The following RIN2 variants were observed in gnomAD, a reference collection of about 807,000 sequenced individuals.
The protein encoded by RIN2 is RAB5 interacting protein 2.
RIN2 carries 36 observed loss-of-function variants against 78.0 expected under a neutral mutation model. That is an observed-to-expected ratio of 0.46 (90% CI 0.35 to 0.61). RIN2 has a LOEUF of 0.61. Ranked by LOEUF, RIN2 falls within the 20% of genes least tolerant of loss-of-function variation. The pLI, the probability that RIN2 is intolerant of heterozygous loss-of-function variation, is 0.00. For synonymous variants in RIN2, 466 were observed against 466.8 expected (o/e 1.00, Z 0.02); for missense variants, 1,087 against 1,159.7 (o/e 0.94, Z 0.91).
chr20:19,771,026 A>G (rs1568736890), intron 1 of RIN2, among the ~76,000 whole-genome samples: 1 of 152,194 alleles, frequency 6.6e-6, no homozygotes, highest in Non-Finnish European at 1.5e-5. Flanking sequence ...ACAAATATTT[A>G]TTGGATTATT....
At chr20:19,950,693 T>G (rs538084933) in intron 4 of RIN2, among the ~76,000 whole-genome samples, 2 of 152,214 alleles carry the variant, frequency 1.3e-5, no homozygotes, top group Admixed American at 1.3e-4. Flanking sequence ...ATTATCACAC[T>G]TAAGGAAATT....
chr20:19,855,530 A>T (rs1358965881), intron 2 of RIN2, among the ~76,000 whole-genome samples: 1 of 152,156 alleles, frequency 6.6e-6, no homozygotes, highest in Non-Finnish European at 1.5e-5. Flanking sequence ...TCTGGTTGGT[A>T]CATTTGCCAT....
intron 2 of RIN2, among the ~76,000 whole-genome samples, chr20:19,875,463 C>G (rs561423701): frequency 1.2e-4 from 19 of 152,266 alleles, no homozygotes; most frequent in Admixed American, 2.0e-4. Context: ...CTGCGCCCAG[C>G]CTAAATTTTT....
At chr20:19,947,554 T>C (rs2041145098) in intron 4 of RIN2, among the ~76,000 whole-genome samples, 1 of 152,250 alleles carries the variant, frequency 6.6e-6, no homozygotes, top group African/African-American at 2.4e-5. Flanking sequence ...GTTGTTGTTT[T>C]TGTTTATTGA....
intron 3 of RIN2, among the ~76,000 whole-genome samples, chr20:19,925,629 G>A (rs571931025): frequency 3.3e-5 from 5 of 152,324 alleles, no homozygotes; most frequent in Admixed American, 3.3e-4. Flanking sequence ...GCAATTCCTT[G>A]CAAGAGGAAA....
At chr20:19,787,442 AAAAAG>A (rs2034717641) in intron 1 of RIN2, among the ~76,000 whole-genome samples, 1 of 151,152 alleles carries the variant, frequency 6.6e-6, no homozygotes, top group South Asian at 2.1e-4. Context: ...AAAAAAAAAA[AAAAAG>A]AGAGAGAGAG....
intron 3 of RIN2, among the ~76,000 whole-genome samples, chr20:19,911,453 C>A (rs1277590777): frequency 6.6e-6 from 1 of 152,190 alleles, no homozygotes; most frequent in East Asian, 1.9e-4. Flanking sequence ...TGGAGACACA[C>A]CTGCGACCAC....
chr20:19,910,938 A>C (rs2039438585), intron 3 of RIN2, among the ~76,000 whole-genome samples: 1 of 152,212 alleles, frequency 6.6e-6, no homozygotes, highest in South Asian at 2.1e-4. Context: ...AAGAACGCTT[A>C]TATATCCATT....
intron 2 of RIN2, among the ~76,000 whole-genome samples, chr20:19,884,269 A>T (rs895120556): frequency 6.6e-6 from 1 of 152,010 alleles, no homozygotes; most frequent in African/African-American, 2.4e-5. Context: ...AAATAAAAAT[A>T]AAAAGATGAG....
rs1161203802 is a variant in RIN2 at position 19,975,136 on chromosome 20, G to C, written c.1111G>C (p.Glu371Gln). ...LKKQASFLEA[E>Q]GGAKTLSGGR... ...GAAGCAGGCTTCTTTTCTGGAAGCA[G>C]AGGGCGGTGCAAAGACCTTGAGCGG... The change falls in exon 9 of 13, where the codon GAG becomes CAG. Residue 371 changes from glutamate to glutamine, a missense_variant. Transcript: ENST00000255006. This position sits in a 1 kb window ranked among gnomAD's most constrained non-coding sequence, Gnocchi z 4.9. 1.9e-6 allele frequency: 3 copies of C among 1,613,118 alleles called. No individual in the cohort carries two copies. The Admixed American group carries it at 5.0e-5, about 27-fold the overall frequency.
chr20:19,830,320 G>A (rs569666576), intron 2 of RIN2, among the ~76,000 whole-genome samples: 4 of 152,026 alleles, frequency 2.6e-5, no homozygotes, highest in African/African-American at 9.7e-5. Flanking sequence ...TTTATGCCAG[G>A]CCTCAAATCT....
In RIN2 at chr20:19,838,607, C is replaced by A. The variant is rs75092895; in HGVS notation, c.-37+38860C>A. ...GTGGCTGTAGCCACTCCCTTTATCACTGGGATTCATGCTGGGGGCTGGAGC... is the reference window on the plus strand; with the variant it reads ...GTGGCTGTAGCCACTCCCTTTATCAATGGGATTCATGCTGGGGGCTGGAGC... On this transcript the variant is annotated intron_variant, in intron 2 of 12. Coordinates refer to ENST00000255006, the MANE Select transcript of RIN2 (RefSeq NM_018993.4). Among the ~76,000 whole-genome samples, 413 of 152,270 alleles carry A rather than the reference C, an allele frequency of 2.7e-3. 3 individuals are homozygous for A. Among genetic ancestry groups the A allele is most frequent in the African/African-American group, 9.2e-3 (384 of 41,538 alleles).
intron 11 of RIN2, among the ~76,000 whole-genome samples, chr20:19,994,157 C>G (rs115058949): frequency 6.6e-6 from 1 of 152,330 alleles, no homozygotes; most frequent in East Asian, 1.9e-4. Flanking sequence ...CTGGTGAGCT[C>G]GCACTTAAAT....
chr20:19,843,747 C>T lies in RIN2; in HGVS notation c.-37+44000C>T, dbSNP rs148601325. ...TGGACTACCACAATCCACCAGCATG[C>T]GCGAATATCAACTGACAAGCAATAT... On this transcript the variant is annotated intron_variant, in intron 2 of 12. Coordinates refer to ENST00000255006, the MANE Select transcript of RIN2 (RefSeq NM_018993.4). Among the ~76,000 whole-genome samples the T allele has an allele frequency of 2.4e-3, 360 of 152,168 alleles. 2 individuals carry two copies. Among genetic ancestry groups the T allele is most frequent in the African/African-American group, 8.1e-3 (336 of 41,532 alleles).
At chr20:19,844,670 CT>C (rs1209558219) in intron 2 of RIN2, among the ~76,000 whole-genome samples, 970 of 40,332 alleles carry the variant, frequency 0.024, 35 homozygotes, top group Middle Eastern at 0.054. Context: ...CTTCTTCTTC[CT>C]TCTTCTTCTT....
At chr20:19,868,744 G>A (rs111438475) in intron 2 of RIN2, among the ~76,000 whole-genome samples, 2 of 152,254 alleles carry the variant, frequency 1.3e-5, no homozygotes, top group African/African-American at 4.8e-5. Context: ...ATGAAGGGAA[G>A]CTAGCACAGA....
At chr20:19,791,141 G>T (rs552405122) in intron 1 of RIN2, among the ~76,000 whole-genome samples, 1 of 152,258 alleles carries the variant, frequency 6.6e-6, no homozygotes, top group South Asian at 2.1e-4. Context: ...AACAAAATCA[G>T]CCAGTGGCTT....
intron 3 of RIN2, among the ~76,000 whole-genome samples, chr20:19,930,411 C>G (rs994672504): frequency 1.3e-5 from 2 of 152,216 alleles, no homozygotes; most frequent in Non-Finnish European, 2.9e-5. Context: ...ATCCAGCCAA[C>G]AGCATCGGCA....
chr20:19,929,999 A>G (rs1310669832), intron 3 of RIN2, among the ~76,000 whole-genome samples: 2 of 151,976 alleles, frequency 1.3e-5, no homozygotes, highest in South Asian at 4.1e-4. Flanking sequence ...CTGGAACACT[A>G]AACTCTGGTC....
Sources: gnomAD v4.1 joint callset for allele counts (sites outside exome capture counted in the v4.1 genomes callset) on GRCh38, gnomAD v4.1.1 for gene constraint, Gnocchi (gnomAD v3.1) non-coding constraint, MANE v1.5 for transcripts, NCBI Gene and HGNC (gene_info 2026-07-23, HGNC 2026-07-21) for gene names.